Variants in SLC12A7 observed in about 807,000 individuals in gnomAD.
The protein encoded by SLC12A7 is solute carrier family 12 member 7.
SLC12A7 carries 100 observed loss-of-function variants against 120.6 expected under a neutral mutation model. The ratio of observed to expected loss-of-function variants is 0.83; its 90% CI spans 0.71 to 0.98. The LOEUF is 0.98. SLC12A7 is among the 50% of genes least tolerant of loss of function. The pLI is 0.00. For missense variants in SLC12A7, 1,373 were observed against 1,548.1 expected, an observed-to-expected ratio of 0.89 and a Z score of 1.90; for synonymous variants, 760 against 678.0, an observed-to-expected ratio of 1.12 and a Z score of -1.88.
At chr5:1,110,269 CAA>C (rs1427304330) in intron 1 of SLC12A7, among the ~76,000 whole-genome samples, 1 of 152,224 alleles carries the variant, frequency 6.6e-6, no homozygotes, top group Non-Finnish European at 1.5e-5. Context: ...GGGCCACCCT[CAA>C]AAGTGTCCAG....
intron 22 of SLC12A7, 38 bp downstream of exon 22, chr5:1,057,433 G>C: frequency 6.4e-7 from 1 of 1,571,024 alleles, no homozygotes; most frequent in Non-Finnish European, 8.6e-7. Flanking sequence ...AGCACTGCCA[G>C]GATCTGTTCC....
At chr5:1,099,937 G>A (rs1040532377) in intron 1 of SLC12A7, among the ~76,000 whole-genome samples, 3 of 152,056 alleles carry the variant, frequency 2.0e-5, no homozygotes, top group East Asian at 1.9e-4. Context: ...GCCCCACTTC[G>A]CAACCTGAGG....
intron 17 of SLC12A7, among the ~76,000 whole-genome samples, chr5:1,069,677 C>G (rs1737440201): frequency 6.6e-6 from 1 of 152,214 alleles, no homozygotes; most frequent in Non-Finnish European, 1.5e-5. Context: ...GGTGGGCACT[C>G]AAAAGCTCCC....
intron 5 of SLC12A7, 115 bp from the exon 6 acceptor site, chr5:1,087,148 T>C: frequency 3.7e-6 from 5 of 1,351,746 alleles, no homozygotes; most frequent in Non-Finnish European, 3.9e-6. Context: ...GAAGGCAGCG[T>C]GTAGACCCTC....
chr5:1,139,952 A>ACCT, the SLC12A7 span, among the ~76,000 whole-genome samples: 1 of 152,132 alleles, frequency 6.6e-6, no homozygotes, highest in South Asian at 2.1e-4. Context: ...TGCCAAGAAG[A>ACCT]CCTCTGTGGT....
At position 1,075,320 on chromosome 5, in the gene SLC12A7, G is replaced by A. The variant is rs371939919; in HGVS notation, c.1967+51C>T. ...AGCTGCCCCAGGCATAGCATGAGAG[G>A]GGCCCGCCCTCCCGTGCGCCGGGTC... On this transcript the variant is annotated intron_variant, in intron 15 of 23. Transcript: ENST00000264930. The A allele has an allele frequency of 1.1e-5, 18 of 1,581,476 alleles. 1 individual carries two copies. In the Admixed American group the frequency reaches 2.9e-4, roughly 25 times the overall value.
chr5:1,062,527 G>T (rs954557766), intron 20 of SLC12A7, among the ~76,000 whole-genome samples: 2 of 152,216 alleles, frequency 1.3e-5, no homozygotes, highest in Non-Finnish European at 2.9e-5. Flanking sequence ...GCAAGAGGAA[G>T]AACAACCCCA....
At chr5:1,130,532 T>C in the SLC12A7 span, among the ~76,000 whole-genome samples, 1 of 150,670 alleles carries the variant, frequency 6.6e-6, no homozygotes, top group East Asian at 2.0e-4. Context: ...CCTCACCTCC[T>C]TAGCCAGGGC....
the SLC12A7 span, among the ~76,000 whole-genome samples, chr5:1,136,431 C>G: frequency 3.0e-5 from 4 of 135,002 alleles, no homozygotes; most frequent in African/African-American, 6.1e-5. Flanking sequence ...CACACGTGTG[C>G]TCAGACACCA....
At chr5:1,143,699 G>A in the SLC12A7 span, among the ~76,000 whole-genome samples, 9 of 152,276 alleles carry the variant, frequency 5.9e-5, no homozygotes, top group South Asian at 1.2e-3. Flanking sequence ...CACCCAGAGC[G>A]CTGCCACCCA....
chr5:1,090,728 C>T (rs1227671426), intron 3 of SLC12A7, among the ~76,000 whole-genome samples: 1 of 152,224 alleles, frequency 6.6e-6, no homozygotes. Flanking sequence ...ATCCCGCAGC[C>T]CCGTGACAGG....
At chr5:1,086,701 A>G (rs1014340103) in intron 6 of SLC12A7, among the ~76,000 whole-genome samples, 15 of 152,222 alleles carry the variant, frequency 9.9e-5, no homozygotes, top group Non-Finnish European at 1.6e-4. Flanking sequence ...ATGGTGCTCA[A>G]GGGGGACACA....
intron 15 of SLC12A7, 178 bp from the exon 16 acceptor site, chr5:1,074,849 A>G: frequency 1.6e-6 from 1 of 620,608 alleles, no homozygotes; most frequent in Non-Finnish European, 2.8e-6. Flanking sequence ...CCGTCCTAGG[A>G]GCCACCGGGT....
At chr5:1,123,278 G>A in the SLC12A7 span, among the ~76,000 whole-genome samples, 24 of 152,128 alleles carry the variant, frequency 1.6e-4, no homozygotes, top group African/African-American at 4.1e-4. Flanking sequence ...TCTGGGAGCC[G>A]CATAGAGAGG....
At chr5:1,100,619 A>G (rs947030194) in intron 1 of SLC12A7, among the ~76,000 whole-genome samples, 9 of 152,226 alleles carry the variant, frequency 5.9e-5, no homozygotes, top group Non-Finnish European at 8.8e-5. Context: ...AGACCGCGCC[A>G]AGTGCTGTTG....
chr5:1,063,660 TCAC>T lies in SLC12A7; in HGVS notation c.2739+181_2739+183del, dbSNP rs1736564053. ...CCTGATCTCCCCCTCCACCCCCACC[TCAC>T]GAGGCCACAGCCCTCCCGATCTCCA... On this transcript the variant is annotated intron_variant, in intron 20 of 23. Coordinates refer to ENST00000264930, the MANE Select transcript of SLC12A7 (RefSeq NM_006598.3). Among the ~76,000 whole-genome samples, 6 of 4,172 alleles carry T rather than the reference TCAC, an allele frequency of 1.4e-3. 1 individual carries two copies. Among genetic ancestry groups the T allele is most frequent in the Non-Finnish European group, 2.9e-3 (6 of 2,098 alleles). The allele number at this position is 4,172 out of a possible 152,430, so 2.7% of individuals were successfully genotyped here. A position where few individuals can be genotyped will look rare whatever the true frequency, so the allele number is the denominator to read the frequency against.
chr5:1,134,576 AG>A, the SLC12A7 span, among the ~76,000 whole-genome samples: 4 of 152,088 alleles, frequency 2.6e-5, no homozygotes, highest in African/African-American at 9.7e-5. Flanking sequence ...TACCGGTGGG[AG>A]TGTAAATTGG....
At chr5:1,068,573 G>T (rs186184758) in intron 17 of SLC12A7, among the ~76,000 whole-genome samples, 50 of 152,374 alleles carry the variant, frequency 3.3e-4, no homozygotes, top group Non-Finnish European at 6.2e-4. Context: ...AAGGGAAGGC[G>T]GGGCCTGCGG....
intron 8 of SLC12A7, 99 bp downstream of exon 8, chr5:1,083,646 G>A: frequency 8.0e-7 from 1 of 1,255,420 alleles, no homozygotes; most frequent in South Asian, 1.2e-5. Flanking sequence ...AGGAGGAATT[G>A]GGGCCCTGAG....
Sources: allele counts gnomAD v4.1 joint callset (sites outside exome capture counted in the v4.1 genomes callset), GRCh38; gene constraint gnomAD v4.1.1; transcripts MANE v1.5; gene names NCBI Gene and HGNC (gene_info 2026-07-23, HGNC 2026-07-21).